The following AFG1L variants were observed in gnomAD, a reference collection of about 807,000 sequenced individuals.
AFG1L encodes AFG1 like ATPase, also known as AFG1-like ATPase.
AFG1L carries 53 observed loss-of-function variants against 62.2 expected under a neutral mutation model. The observed-to-expected ratio is 0.85, with a 90% CI of 0.68 to 1.07. The LOEUF (loss-of-function observed/expected upper bound fraction) is 1.07, where lower values mean the gene tolerates loss of function less well. Among genes scored for constraint, AFG1L ranks in the 50% least tolerant of loss-of-function variants. The probability of loss-of-function intolerance (pLI) is 0.00; values close to 1 mark genes in which losing one functional copy is unlikely to be tolerated. For missense variants in AFG1L, 555 were observed against 590.5 expected (o/e 0.94, Z 0.62); for synonymous variants, 228 against 210.3 (o/e 1.08, Z -0.73).
At chr6:108,414,935 G>A (rs568497646) in intron 7 of AFG1L, among the ~76,000 whole-genome samples, 1 of 152,060 alleles carries the variant, frequency 6.6e-6, no homozygotes, top group Non-Finnish European at 1.5e-5. Context: ...ATCAGGCAAG[G>A]GAAAGAAATA....
At chr6:108,383,495 A>G (rs1487450680) in intron 6 of AFG1L, among the ~76,000 whole-genome samples, 1 of 152,204 alleles carries the variant, frequency 6.6e-6, no homozygotes, top group African/African-American at 2.4e-5. Flanking sequence ...TTAAAATTAA[A>G]TAAATTAAAA....
In AFG1L at chr6:108,524,851, AGCCATCACT is replaced by A. The variant is rs1403873329; in HGVS notation, c.*2427_*2435del. The A allele has an allele frequency of 2.0e-5, 3 of 152,228 alleles. No individual in the cohort carries two copies. The highest frequency in any genetic ancestry group is 7.2e-5 in the African/African-American group (3 of 41,458). The allele number at this position is 152,228 out of a possible 1,614,324, so 9.4% of individuals were successfully genotyped here. A position where few individuals can be genotyped will look rare whatever the true frequency, so the allele number is the denominator to read the frequency against. On this transcript the variant is annotated 3_prime_UTR_variant, in exon 13 of 13. Coordinates refer to ENST00000368977, the MANE Select transcript of AFG1L (RefSeq NM_145315.5). ...GAAAAAAACCCAAGTCTTCAAGAAT[AGCCATCACT>A]AGGAAACAGTATGGTAGCTCTACTA...
intron 6 of AFG1L, among the ~76,000 whole-genome samples, chr6:108,399,673 C>CTTT (rs1215452077): frequency 2.4e-5 from 2 of 84,860 alleles, no homozygotes; most frequent in Non-Finnish European, 5.2e-5. Context: ...AATAGTTTTC[C>CTTT]TTTTTTTTTT....
intron 2 of AFG1L, among the ~76,000 whole-genome samples, chr6:108,338,448 A>G (rs1293524713): frequency 1.3e-5 from 2 of 152,208 alleles, no homozygotes; most frequent in Non-Finnish European, 2.9e-5. Context: ...CCATTAGTAT[A>G]TCAAAGACTC....
At chr6:108,355,794 G>C in intron 4 of AFG1L, 39 bp downstream of exon 4, 1 of 1,354,842 alleles carries the variant, frequency 7.4e-7, no homozygotes, top group African/African-American at 1.4e-5. Context: ...TTTCAGTGGG[G>C]AAACGCTACA....
intron 7 of AFG1L, among the ~76,000 whole-genome samples, chr6:108,426,028 C>T (rs1215485288): frequency 6.6e-6 from 1 of 151,854 alleles, no homozygotes; most frequent in Non-Finnish European, 1.5e-5. Flanking sequence ...AAGAACAGAA[C>T]CAAAGTTTAG....
chr6:108,355,856 G>A, intron 4 of AFG1L, 101 bp downstream of exon 4: 1 of 812,612 alleles, frequency 1.2e-6, no homozygotes, highest in East Asian at 2.6e-5. Context: ...TTAGATTTTT[G>A]CTTGCAGTAA....
At chr6:108,470,099 C>T (rs1326759983) in intron 8 of AFG1L, among the ~76,000 whole-genome samples, 1 of 152,212 alleles carries the variant, frequency 6.6e-6, no homozygotes, top group Middle Eastern at 3.2e-3. Context: ...TATTCCACCT[C>T]TCACCTTCTG....
intron 5 of AFG1L, among the ~76,000 whole-genome samples, chr6:108,360,147 C>T (rs1356487648): frequency 6.6e-6 from 1 of 152,130 alleles, no homozygotes; most frequent in Non-Finnish European, 1.5e-5. Flanking sequence ...CTTAAAAGGG[C>T]TTGTACTCTA....
At chr6:108,440,164 G>A (rs1264286515) in intron 7 of AFG1L, among the ~76,000 whole-genome samples, 1 of 151,968 alleles carries the variant, frequency 6.6e-6, no homozygotes, top group Non-Finnish European at 1.5e-5. Flanking sequence ...CACTTTTTCA[G>A]TTCAAAAAAG....
intron 6 of AFG1L, among the ~76,000 whole-genome samples, chr6:108,391,273 C>T (rs758447498): frequency 3.3e-5 from 5 of 152,026 alleles, no homozygotes; most frequent in African/African-American, 1.2e-4. Context: ...CCTTTTTTAC[C>T]GCATCCACAC....
intron 7 of AFG1L, among the ~76,000 whole-genome samples, chr6:108,421,027 C>G (rs184005680): frequency 4.2e-4 from 64 of 152,182 alleles, no homozygotes; most frequent in East Asian, 2.1e-3. Context: ...CTCCCTTTCC[C>G]CTCCCTGAAA....
chr6:108,517,037 T>A (rs1774923599), intron 11 of AFG1L, among the ~76,000 whole-genome samples: 1 of 152,198 alleles, frequency 6.6e-6, no homozygotes, highest in South Asian at 2.1e-4. Flanking sequence ...TCCATGCTCA[T>A]GGGTAGGAAG....
At chr6:108,350,310 ATTTTT>A (rs560260698) in intron 3 of AFG1L, among the ~76,000 whole-genome samples, 2 of 147,038 alleles carry the variant, frequency 1.4e-5, no homozygotes, top group East Asian at 3.9e-4. Flanking sequence ...TCTCTTATGT[ATTTTT>A]TTTTTTTAAG....
At chr6:108,318,438 A>G in intron 1 of AFG1L, 1 of 194,134 alleles carries the variant, frequency 5.2e-6, no homozygotes. Flanking sequence ...TATGCAGATA[A>G]TAAAATCTTG....
At chr6:108,349,380 A>G (rs1217479302) in intron 3 of AFG1L, among the ~76,000 whole-genome samples, 1 of 152,084 alleles carries the variant, frequency 6.6e-6, no homozygotes, top group Non-Finnish European at 1.5e-5. Flanking sequence ...ATTACTCGAG[A>G]GGCTAAGGTG....
At chr6:108,471,086 A>T (rs1005175646) in intron 8 of AFG1L, among the ~76,000 whole-genome samples, 1 of 152,180 alleles carries the variant, frequency 6.6e-6, no homozygotes, top group Non-Finnish European at 1.5e-5. Context: ...GACCATGAGG[A>T]GGGAGAAATG....
At chr6:108,481,222 C>G (rs1773312058) in intron 10 of AFG1L, among the ~76,000 whole-genome samples, 1 of 152,202 alleles carries the variant, frequency 6.6e-6, no homozygotes, top group Non-Finnish European at 1.5e-5. Flanking sequence ...GCCGTTCCCT[C>G]CATATCAGAG....
In AFG1L at chr6:108,471,468, C is replaced by CTTT. The variant is rs56375345; in HGVS notation, c.891-5377_891-5375dup. ...ATTGATGTTCTATCGTGTTCTTCTT[C>CTTT]TTTTTTTTTTTTTTTTTTTTTTGAC... On this transcript the variant is annotated intron_variant, in intron 8 of 12. Coordinates refer to ENST00000368977, the MANE Select transcript of AFG1L (RefSeq NM_145315.5). 3.3e-4 allele frequency among the ~76,000 whole-genome samples: 33 copies of CTTT among 100,334 alleles called. 1 individual carries two copies. Among genetic ancestry groups the CTTT allele is most frequent in the Non-Finnish European group, 5.9e-4 (29 of 49,368 alleles). The allele number at this position is 100,334 out of a possible 152,430, so 65.8% of individuals were successfully genotyped here. A position where few individuals can be genotyped will look rare whatever the true frequency, so the allele number is the denominator to read the frequency against.
Sources: allele counts gnomAD v4.1 joint callset (sites outside exome capture counted in the v4.1 genomes callset), GRCh38; gene constraint gnomAD v4.1.1; transcripts MANE v1.5; gene names NCBI Gene and HGNC (gene_info 2026-07-23, HGNC 2026-07-21).